Variants in HS6ST3 observed in about 807,000 individuals in gnomAD.
The protein encoded by HS6ST3 is heparan-sulfate 6-O-sulfotransferase 3.
In HS6ST3, 12 loss-of-function variants were observed where a neutral mutation model predicts 36.7. The observed-to-expected ratio is 0.33, with a 90% CI of 0.21 to 0.53. HS6ST3 has a LOEUF of 0.53. Ranked by LOEUF, HS6ST3 falls within the 20% of genes least tolerant of loss-of-function variation. The pLI, the probability that HS6ST3 is intolerant of heterozygous loss-of-function variation, is 0.95. For missense variants in HS6ST3, 584 were observed against 640.9 expected, an observed-to-expected ratio of 0.91 and a Z score of 0.96; for synonymous variants, 240 against 257.5, an observed-to-expected ratio of 0.93 and a Z score of 0.65.
intron 1 of HS6ST3, among the ~76,000 whole-genome samples, chr13:96,689,789 C>G (rs1206877309): frequency 2.1e-5 from 1 of 47,878 alleles, no homozygotes; most frequent in African/African-American, 7.0e-5. Context: ...AGAAGTTTGT[C>G]AATGGATGTT....
chr13:96,131,122 A>G (rs1357657440), intron 1 of HS6ST3, among the ~76,000 whole-genome samples: 3 of 152,168 alleles, frequency 2.0e-5, no homozygotes, highest in South Asian at 2.1e-4. Context: ...TCAGCTTTCC[A>G]TTAAAACTGC....
intron 1 of HS6ST3, among the ~76,000 whole-genome samples, chr13:96,559,679 A>G (rs1462191246): frequency 6.6e-6 from 1 of 151,920 alleles, no homozygotes; most frequent in Non-Finnish European, 1.5e-5. Flanking sequence ...TAATGACAAC[A>G]CTATTTTAAA....
At chr13:96,563,755 C>T (rs1255592986) in intron 1 of HS6ST3, among the ~76,000 whole-genome samples, 1 of 152,120 alleles carries the variant, frequency 6.6e-6, no homozygotes, top group Non-Finnish European at 1.5e-5. Context: ...TGCCAAAGTT[C>T]AACCCCTTTC....
intron 1 of HS6ST3, among the ~76,000 whole-genome samples, chr13:96,568,689 G>T (rs1341986596): frequency 6.6e-6 from 1 of 152,116 alleles, no homozygotes; most frequent in East Asian, 1.9e-4. Context: ...GAGAACACAG[G>T]GTTTGGGAAT....
chr13:96,238,424 T>A (rs1355514306), intron 1 of HS6ST3, among the ~76,000 whole-genome samples: 5 of 152,202 alleles, frequency 3.3e-5, no homozygotes, highest in African/African-American at 1.2e-4. Flanking sequence ...AGATTAACTA[T>A]AGGCTCTTTA....
chr13:96,201,123 C>T (rs1256827773), intron 1 of HS6ST3, among the ~76,000 whole-genome samples: 1 of 152,128 alleles, frequency 6.6e-6, no homozygotes, highest in Non-Finnish European at 1.5e-5. Flanking sequence ...TGCAGATGCA[C>T]CTGTTTCACT....
At chr13:96,573,895 C>A in intron 1 of HS6ST3, 1 of 502,448 alleles carries the variant, frequency 2.0e-6, no homozygotes, top group Non-Finnish European at 3.9e-6. Context: ...CTCCCCCAGT[C>A]TAATGGAATG....
intron 1 of HS6ST3, among the ~76,000 whole-genome samples, chr13:96,627,213 T>C (rs747071333): frequency 3.3e-5 from 5 of 152,234 alleles, no homozygotes; most frequent in East Asian, 1.9e-4. Flanking sequence ...TTTGTTAACA[T>C]ATATATTTTG....
chr13:96,359,755 G>A (rs2055228300), intron 1 of HS6ST3, among the ~76,000 whole-genome samples: 1 of 152,088 alleles, frequency 6.6e-6, no homozygotes, highest in African/African-American at 2.4e-5. Flanking sequence ...CATACTGCAG[G>A]CACTGAAAAA....
intron 1 of HS6ST3, among the ~76,000 whole-genome samples, chr13:96,781,177 CT>C (rs1315141236): frequency 2.0e-5 from 3 of 152,192 alleles, no homozygotes; most frequent in Non-Finnish European, 2.9e-5. Flanking sequence ...AAAAATTAAT[CT>C]TCACATTTTG....
intron 1 of HS6ST3, among the ~76,000 whole-genome samples, chr13:96,583,199 CTTTTCTTTTTTT>C (rs2056348149): frequency 2.9e-5 from 1 of 33,948 alleles, no homozygotes; most frequent in African/African-American, 1.1e-4. Flanking sequence ...ATTTCTTTTT[CTTTTCTTTTTTT>C]TTTTTTTTTT....
At chr13:96,279,639 G>T (rs2054765434) in intron 1 of HS6ST3, among the ~76,000 whole-genome samples, 1 of 152,144 alleles carries the variant, frequency 6.6e-6, no homozygotes, top group Admixed American at 6.5e-5. Flanking sequence ...GAATCCTGCT[G>T]CTTCTGTTAG....
intron 1 of HS6ST3, among the ~76,000 whole-genome samples, chr13:96,517,699 A>G (rs1239824163): frequency 1.3e-5 from 2 of 152,126 alleles, no homozygotes; most frequent in Admixed American, 1.3e-4. Flanking sequence ...TTAATCACTC[A>G]GGTACTAAGC....
chr13:96,517,003 T>A (rs917309377), intron 1 of HS6ST3, among the ~76,000 whole-genome samples: 4 of 152,196 alleles, frequency 2.6e-5, no homozygotes, highest in African/African-American at 9.6e-5. Context: ...AAGGCAGTGT[T>A]TGAAAGCTCC....
intron 1 of HS6ST3, among the ~76,000 whole-genome samples, chr13:96,436,465 C>T (rs146697882): frequency 4.7e-4 from 72 of 152,260 alleles, no homozygotes; most frequent in African/African-American, 1.6e-3. Flanking sequence ...ACCAAACACA[C>T]CGATGTTATT....
chr13:96,668,736 A>G (rs1594831914), intron 1 of HS6ST3, among the ~76,000 whole-genome samples: 1 of 63,906 alleles, frequency 1.6e-5, no homozygotes, highest in Non-Finnish European at 3.1e-5. Flanking sequence ...TGTATCAGGT[A>G]CATTTGTTGT....
intron 1 of HS6ST3, among the ~76,000 whole-genome samples, chr13:96,461,992 G>A (rs2139492544): frequency 6.6e-6 from 1 of 152,294 alleles, no homozygotes; most frequent in East Asian, 1.9e-4. Flanking sequence ...TGTTATCTCA[G>A]GAATGTTAAG....
intron 1 of HS6ST3, among the ~76,000 whole-genome samples, chr13:96,133,841 ATGTT>A (rs2053988395): frequency 2.0e-5 from 1 of 49,330 alleles, no homozygotes; most frequent in African/African-American, 6.6e-5. Context: ...TTGAGCTTTT[ATGTT>A]TTTTTTTTTT....
intron 1 of HS6ST3, among the ~76,000 whole-genome samples, chr13:96,331,159 G>A (rs555784358): frequency 1.1e-4 from 16 of 152,136 alleles, no homozygotes; most frequent in African/African-American, 3.1e-4. Flanking sequence ...TAATTTGATC[G>A]TCTGAAGCCT....
Sources: allele counts gnomAD v4.1 joint callset (sites outside exome capture counted in the v4.1 genomes callset), GRCh38; gene constraint gnomAD v4.1.1; transcripts MANE v1.5; gene names NCBI Gene and HGNC (gene_info 2026-07-23, HGNC 2026-07-21).